Variants in NLGN1 observed in about 807,000 individuals in gnomAD.
NLGN1 encodes the protein neuroligin 1.
NLGN1 carries 12 observed loss-of-function variants against 65.5 expected under a neutral mutation model. The observed-to-expected ratio is 0.18, with a 90% CI of 0.12 to 0.30. NLGN1 has a LOEUF of 0.30. NLGN1 is among the 10% of genes least tolerant of loss of function. NLGN1 has a pLI of 1.00. For missense variants in NLGN1, 750 were observed against 1,007.1 expected (o/e 0.74, Z 3.46); for synonymous variants, 350 against 359.5 (o/e 0.97, Z 0.30).
chr3:173,495,733 A>G (rs554134689), intron 2 of NLGN1, among the ~76,000 whole-genome samples: 2 of 150,898 alleles, frequency 1.3e-5, no homozygotes, highest in East Asian at 1.9e-4. Flanking sequence ...AGCAAAATAC[A>G]CCATCTTAAG....
intron 4 of NLGN1, among the ~76,000 whole-genome samples, chr3:174,138,897 A>T (rs964227854): frequency 6.6e-6 from 1 of 152,208 alleles, no homozygotes; most frequent in Non-Finnish European, 1.5e-5. Context: ...AGGTAAAAAA[A>T]TTAAATTATC....
intron 4 of NLGN1, among the ~76,000 whole-genome samples, chr3:174,258,642 C>G (rs540919627): frequency 2.0e-5 from 3 of 152,156 alleles, no homozygotes; most frequent in Non-Finnish European, 4.4e-5. Flanking sequence ...AATCTTTTAC[C>G]AGAAATCTGT....
At chr3:173,875,618 A>G (rs552728175) in intron 4 of NLGN1, among the ~76,000 whole-genome samples, 16 of 152,242 alleles carry the variant, frequency 1.1e-4, no homozygotes, top group Non-Finnish European at 2.2e-4. Flanking sequence ...TGAACAAAAA[A>G]GTACCATTAT....
At chr3:173,852,334 C>G in intron 4 of NLGN1, among the ~76,000 whole-genome samples, 1 of 106,078 alleles carries the variant, frequency 9.4e-6, no homozygotes, top group South Asian at 3.5e-4. Flanking sequence ...CCAGCCTGGG[C>G]AACAGAGCGA....
intron 4 of NLGN1, chr3:174,057,598 G>T (rs995401346): frequency 1.3e-5 from 2 of 151,832 alleles, no homozygotes; most frequent in Admixed American, 1.3e-4. Context: ...AGTCGACTTT[G>T]GCTGAAAGTA....
intron 4 of NLGN1, among the ~76,000 whole-genome samples, chr3:174,007,699 T>C (rs1204286192): frequency 6.6e-6 from 1 of 152,188 alleles, no homozygotes; most frequent in African/African-American, 2.4e-5. Context: ...TGATAACTAC[T>C]TTTTTATGTT....
At position 173,406,027 on chromosome 3, in the gene NLGN1, A is replaced by G. The variant is rs186329634; in HGVS notation, c.-390+7540A>G. Among the ~76,000 whole-genome samples, 72 of 152,276 alleles carry G rather than the reference A, an allele frequency of 4.7e-4. 1 individual carries two copies. The highest frequency in any genetic ancestry group is 1.2e-3 in the Admixed American group (19 of 15,288). ...GCTTAAAATATATAACATGTATCAT[A>G]TAACTTTAAGATTTATTGTATCATA... On this transcript the variant is annotated intron_variant, in intron 1 of 6. Coordinates refer to ENST00000457714, the Ensembl canonical transcript of NLGN1.
downstream of NLGN1, among the ~76,000 whole-genome samples, chr3:174,289,403 G>A (rs1335339247): frequency 6.6e-6 from 1 of 151,262 alleles, no homozygotes; most frequent in African/African-American, 2.4e-5. Flanking sequence ...ATTACTAGCA[G>A]CCAACTGATT....
In NLGN1 at chr3:174,034,240, G is replaced by T. The variant is rs148037999; in HGVS notation, c.646+226408G>T. 5.0e-3 allele frequency among the ~76,000 whole-genome samples: 764 copies of T among 152,016 alleles called. 12 individuals carry two copies. Among genetic ancestry groups the T allele is most frequent in the African/African-American group, 0.018 (735 of 41,500 alleles). ...AAAATTATTCTTCAAACATGAAAGAGAATTAAAGCTTTTCTCAAACAAACA... is the reference window on the plus strand; with the variant it reads ...AAAATTATTCTTCAAACATGAAAGATAATTAAAGCTTTTCTCAAACAAACA... On this transcript the variant is annotated intron_variant, in intron 4 of 6. Transcript: ENST00000457714.
At chr3:174,116,796 G>A (rs2152633259) in intron 4 of NLGN1, among the ~76,000 whole-genome samples, 1 of 152,174 alleles carries the variant, frequency 6.6e-6, no homozygotes, top group African/African-American at 2.4e-5. Context: ...TGAAATAGAA[G>A]GCATATGAGC....
At chr3:173,695,689 A>G (rs1766111060) in intron 3 of NLGN1, 1 of 184,226 alleles carries the variant, frequency 5.4e-6, no homozygotes, top group African/African-American at 2.4e-5. Flanking sequence ...CCAAACCAGT[A>G]ATGTAAGAAG....
chr3:174,136,547 C>T (rs1285129166), intron 4 of NLGN1: 1 of 151,984 alleles, frequency 6.6e-6, no homozygotes, highest in Non-Finnish European at 1.5e-5. Context: ...CACCTGATTA[C>T]CAAGAGGAAG....
chr3:173,889,468 C>T (rs540554014), intron 4 of NLGN1, among the ~76,000 whole-genome samples: 2 of 152,242 alleles, frequency 1.3e-5, no homozygotes, highest in Non-Finnish European at 2.9e-5. Context: ...ATACCTTTTA[C>T]TACATAGCTC....
intron 3 of NLGN1, among the ~76,000 whole-genome samples, chr3:173,744,667 T>C (rs1045830379): frequency 3.9e-5 from 6 of 152,148 alleles, no homozygotes; most frequent in African/African-American, 1.4e-4. Flanking sequence ...AAGCTTCCTT[T>C]AATTGTTCAG....
chr3:173,715,356 T>C (rs1296447452), intron 3 of NLGN1, among the ~76,000 whole-genome samples: 1 of 152,198 alleles, frequency 6.6e-6, no homozygotes, highest in Non-Finnish European at 1.5e-5. Context: ...TTGAAATGCA[T>C]TGTTAAGTCT....
intron 4 of NLGN1, among the ~76,000 whole-genome samples, chr3:174,110,344 A>G (rs1384118066): frequency 6.6e-6 from 1 of 151,928 alleles, no homozygotes; most frequent in Non-Finnish European, 1.5e-5. Flanking sequence ...TACTGTGTTT[A>G]GTTTTTATTT....
intron 4 of NLGN1, among the ~76,000 whole-genome samples, chr3:174,060,137 A>G (rs1737075574): frequency 6.6e-6 from 1 of 152,142 alleles, no homozygotes; most frequent in Non-Finnish European, 1.5e-5. Context: ...TACTTATTTT[A>G]TGGTTATATT....
At chr3:173,623,519 T>C (rs908417317) in intron 3 of NLGN1, among the ~76,000 whole-genome samples, 1 of 152,012 alleles carries the variant, frequency 6.6e-6, no homozygotes, top group Non-Finnish European at 1.5e-5. Context: ...GGAGAGAATG[T>C]GTACCAACAA....
intron 4 of NLGN1, among the ~76,000 whole-genome samples, chr3:173,867,839 T>C (rs1472973717): frequency 1.3e-5 from 2 of 152,100 alleles, no homozygotes; most frequent in Non-Finnish European, 2.9e-5. Flanking sequence ...AATAAATGAA[T>C]GTATAAATAT....
Sources: allele counts gnomAD v4.1 joint callset (sites outside exome capture counted in the v4.1 genomes callset), GRCh38; gene constraint gnomAD v4.1.1; transcripts MANE v1.5; gene names NCBI Gene and HGNC (gene_info 2026-07-23, HGNC 2026-07-21).